The following CNBD1 variants were observed in gnomAD, a reference collection of about 807,000 sequenced individuals.
CNBD1 encodes the protein cyclic nucleotide binding domain containing 1.
In CNBD1, 71 loss-of-function variants were observed where a neutral mutation model predicts 54.4. That is an observed-to-expected ratio of 1.30 (90% CI 1.08 to 1.59). The LOEUF is 1.59. Ranked by LOEUF, CNBD1 falls within the 40% of genes most tolerant of loss-of-function variation. CNBD1 has a pLI of 0.00. For synonymous variants in CNBD1, 182 were observed against 170.7 expected (o/e 1.07, Z -0.51); for missense variants, 659 against 518.0 (o/e 1.27, Z -2.64).
At chr8:86,977,339 CA>C (rs1334907922) in intron 4 of CNBD1, among the ~76,000 whole-genome samples, 3 of 152,026 alleles carry the variant, frequency 2.0e-5, no homozygotes, top group African/African-American at 7.2e-5. Flanking sequence ...ATTCATATGT[CA>C]TCCACTTGAT....
intron 5 of CNBD1, among the ~76,000 whole-genome samples, chr8:87,220,167 G>A (rs1814299810): frequency 6.6e-6 from 1 of 151,812 alleles, no homozygotes; most frequent in African/African-American, 2.4e-5. Flanking sequence ...ATTTTTTAAA[G>A]TAACTTAATG....
At chr8:87,302,967 C>G (rs1423295253) in intron 8 of CNBD1, among the ~76,000 whole-genome samples, 1 of 151,586 alleles carries the variant, frequency 6.6e-6, no homozygotes, top group Admixed American at 6.6e-5. Context: ...CTACAAACCA[C>G]TGCTCAAGGA....
At chr8:86,941,891 T>C (rs995900727) in intron 4 of CNBD1, among the ~76,000 whole-genome samples, 3 of 152,144 alleles carry the variant, frequency 2.0e-5, no homozygotes, top group African/African-American at 7.2e-5. Flanking sequence ...CAGAACCCAC[T>C]TCCTCACTCA....
chr8:87,375,518 G>T (rs4305915), intron 10 of CNBD1, among the ~76,000 whole-genome samples: 3 of 151,382 alleles, frequency 2.0e-5, no homozygotes, highest in Non-Finnish European at 4.4e-5. Context: ...CATCTTTTCC[G>T]AAGCCATAGC....
At chr8:87,379,709 T>G (rs1010961874) in intron 10 of CNBD1, among the ~76,000 whole-genome samples, 1 of 152,002 alleles carries the variant, frequency 6.6e-6, no homozygotes, top group Admixed American at 6.6e-5. Flanking sequence ...CCAGTAATTT[T>G]TTTTAAGAAA....
intron 2 of CNBD1, among the ~76,000 whole-genome samples, chr8:87,409,208 G>T (rs187243375): frequency 6.6e-6 from 1 of 152,132 alleles, no homozygotes; most frequent in Non-Finnish European, 1.5e-5. Flanking sequence ...CGGTAAACAT[G>T]CAAATAATAA....
intron 2 of CNBD1, among the ~76,000 whole-genome samples, chr8:87,404,173 TAA>T (rs1217286962): frequency 2.6e-5 from 4 of 151,976 alleles, no homozygotes; most frequent in Admixed American, 6.6e-5. Flanking sequence ...TCAGCAAGTA[TAA>T]GAGATCCAAC....
intron 4 of CNBD1, among the ~76,000 whole-genome samples, chr8:87,183,535 C>T (rs1215224667): frequency 1.3e-5 from 2 of 151,844 alleles, no homozygotes; most frequent in Non-Finnish European, 2.9e-5. Flanking sequence ...TCTGTTGTTC[C>T]AGCCATTTCA....
At chr8:87,290,897 C>T (rs1037954405) in intron 8 of CNBD1, among the ~76,000 whole-genome samples, 2 of 152,032 alleles carry the variant, frequency 1.3e-5, no homozygotes, top group Non-Finnish European at 2.9e-5. Context: ...ATATTTTCTC[C>T]TTGTCTTTGG....
At chr8:87,321,709 T>C (rs1408543110) in intron 8 of CNBD1, among the ~76,000 whole-genome samples, 2 of 152,104 alleles carry the variant, frequency 1.3e-5, no homozygotes, top group Non-Finnish European at 2.9e-5. Flanking sequence ...ATCTCATTTG[T>C]CTATTTTTGC....
chr8:87,381,377 G>C (rs903292743), intron 10 of CNBD1, among the ~76,000 whole-genome samples: 1 of 151,932 alleles, frequency 6.6e-6, no homozygotes, highest in Non-Finnish European at 1.5e-5. Context: ...AAACACAAAA[G>C]AGAAGTGTTG....
chr8:87,094,657 C>T (rs1223548331), intron 4 of CNBD1, among the ~76,000 whole-genome samples: 1 of 152,144 alleles, frequency 6.6e-6, no homozygotes, highest in Non-Finnish European at 1.5e-5. Context: ...ACTTTGTGGA[C>T]ATAGAGGCTG....
chr8:87,264,310 C>T (rs1399001176), intron 6 of CNBD1, among the ~76,000 whole-genome samples: 1 of 152,060 alleles, frequency 6.6e-6, no homozygotes, highest in Non-Finnish European at 1.5e-5. Context: ...CATCCATGTC[C>T]CTACAAAGGA....
At chr8:86,963,436 G>A (rs1807986862) in intron 4 of CNBD1, among the ~76,000 whole-genome samples, 1 of 152,162 alleles carries the variant, frequency 6.6e-6, no homozygotes. Flanking sequence ...TCAAACTGAA[G>A]CTTCGGAGAA....
intron 6 of CNBD1, among the ~76,000 whole-genome samples, chr8:87,241,734 A>T (rs1396028121): frequency 6.6e-6 from 1 of 152,192 alleles, no homozygotes; most frequent in Non-Finnish European, 1.5e-5. Context: ...ATGTAAAAAA[A>T]TAGTTTAAGT....
intron 4 of CNBD1, among the ~76,000 whole-genome samples, chr8:86,950,398 C>A (rs34002382): frequency 1.3e-5 from 2 of 151,970 alleles, no homozygotes; most frequent in Non-Finnish European, 2.9e-5. Context: ...TCAATTAAAA[C>A]AATTATATGA....
intron 4 of CNBD1, among the ~76,000 whole-genome samples, chr8:87,172,104 A>G (rs569979805): frequency 1.3e-5 from 2 of 152,030 alleles, no homozygotes; most frequent in East Asian, 3.9e-4. Flanking sequence ...TCAGGAGCAT[A>G]TTGTTTAATT....
At chr8:87,412,378 T>C (rs771333203) in intron 2 of CNBD1, among the ~76,000 whole-genome samples, 2 of 152,116 alleles carry the variant, frequency 1.3e-5, no homozygotes, top group Admixed American at 6.6e-5. Context: ...ATATCACTTC[T>C]GGTTACTCGA....
chr8:87,344,326 A>G (rs1194243159), intron 8 of CNBD1, among the ~76,000 whole-genome samples: 1 of 152,076 alleles, frequency 6.6e-6, no homozygotes, highest in Non-Finnish European at 1.5e-5. Context: ...ATACTATTAC[A>G]AAAGAGATGT....
Sources: gnomAD v4.1 joint callset for allele counts (sites outside exome capture counted in the v4.1 genomes callset) on GRCh38, gnomAD v4.1.1 for gene constraint, MANE v1.5 for transcripts, NCBI Gene and HGNC (gene_info 2026-07-23, HGNC 2026-07-21) for gene names.